The following ANTXR1 variants were observed in gnomAD, a reference collection of about 807,000 sequenced individuals.
ANTXR1 encodes the protein anthrax toxin receptor 1.
In ANTXR1, 19 loss-of-function variants were observed where a neutral mutation model predicts 78.1. The observed-to-expected ratio is 0.24, with a 90% confidence interval of 0.17 to 0.36. ANTXR1 has a LOEUF of 0.36. ANTXR1 is among the 10% of genes least tolerant of loss of function. The pLI is 1.00. For missense variants in ANTXR1, 518 were observed against 718.6 expected, an observed-to-expected ratio of 0.72 and a Z score of 3.19; for synonymous variants, 273 against 260.5, an observed-to-expected ratio of 1.05 and a Z score of -0.46.
At chr2:69,054,051 T>C (rs1242964267) in intron 3 of ANTXR1, among the ~76,000 whole-genome samples, 1 of 152,206 alleles carries the variant, frequency 6.6e-6, no homozygotes, top group Non-Finnish European at 1.5e-5. Context: ...TATAATCTTT[T>C]ATTAAGGGCT....
At chr2:69,125,428 G>A (rs1672501573) in intron 12 of ANTXR1, among the ~76,000 whole-genome samples, 3 of 152,222 alleles carry the variant, frequency 2.0e-5, no homozygotes. Context: ...TCCCCAGGAG[G>A]TTGTCATGTG....
At chr2:69,151,388 G>A (rs1673391584) in intron 12 of ANTXR1, among the ~76,000 whole-genome samples, 1 of 151,974 alleles carries the variant, frequency 6.6e-6, no homozygotes, top group South Asian at 2.1e-4. Context: ...GAGGCAGGGT[G>A]GAGGGGACTT....
chr2:69,142,569 A>G (rs1673098758), intron 12 of ANTXR1, among the ~76,000 whole-genome samples: 1 of 152,212 alleles, frequency 6.6e-6, no homozygotes, highest in Admixed American at 6.5e-5. Context: ...AAGGGCCATG[A>G]TTGGCAAAAC....
chr2:69,082,997 T>C (rs1394804156), intron 8 of ANTXR1, among the ~76,000 whole-genome samples: 1 of 152,204 alleles, frequency 6.6e-6, no homozygotes, highest in East Asian at 1.9e-4. Flanking sequence ...AACTGTGAGA[T>C]CAACGGAACC....
At chr2:69,048,535 G>T (rs1669842531) in intron 3 of ANTXR1, among the ~76,000 whole-genome samples, 1 of 151,988 alleles carries the variant, frequency 6.6e-6, no homozygotes, top group Non-Finnish European at 1.5e-5. Context: ...AATTTATTAT[G>T]ATATAAGGTA....
At chr2:69,238,960 C>T (rs1675836543) in intron 17 of ANTXR1, among the ~76,000 whole-genome samples, 1 of 152,154 alleles carries the variant, frequency 6.6e-6, no homozygotes, top group Admixed American at 6.5e-5. Context: ...ACACAGCACA[C>T]ATGAGCTCAC....
intron 16 of ANTXR1, among the ~76,000 whole-genome samples, chr2:69,188,178 T>C (rs1328590044): frequency 6.6e-6 from 1 of 152,044 alleles, no homozygotes; most frequent in East Asian, 1.9e-4. Context: ...TGCGATCATA[T>C]AGCTCACTGT....
At chr2:69,140,093 T>C (rs570784552) in intron 12 of ANTXR1, among the ~76,000 whole-genome samples, 11 of 152,336 alleles carry the variant, frequency 7.2e-5, no homozygotes, top group African/African-American at 2.4e-4. Flanking sequence ...AAATTTACTT[T>C]AATCACCTTC....
chr2:69,068,331 A>C (rs975181567), intron 3 of ANTXR1, among the ~76,000 whole-genome samples: 6 of 152,382 alleles, frequency 3.9e-5, no homozygotes, highest in Admixed American at 2.0e-4. Context: ...CTTAAGTGCT[A>C]TAAAGCAAAA....
intron 17 of ANTXR1, among the ~76,000 whole-genome samples, chr2:69,244,709 C>A (rs1574001594): frequency 6.6e-6 from 1 of 152,258 alleles, no homozygotes; most frequent in East Asian, 1.9e-4. Context: ...CTGAACTAAT[C>A]AAAATAAATT....
chr2:69,057,341 A>G (rs923325473), intron 3 of ANTXR1, among the ~76,000 whole-genome samples: 9 of 152,222 alleles, frequency 5.9e-5, no homozygotes, highest in African/African-American at 2.2e-4. Context: ...TTGAAGGTTC[A>G]TGGCAACCAT....
At chr2:69,166,507 T>G (rs923771301) in intron 13 of ANTXR1, among the ~76,000 whole-genome samples, 7 of 152,216 alleles carry the variant, frequency 4.6e-5, no homozygotes, top group African/African-American at 1.7e-4. Context: ...AATGGTCACT[T>G]TCTGCTTCTC....
rs542459792 is a variant in ANTXR1 at position 69,133,142 on chromosome 2, G to A, written c.951+8499G>A. 1.2e-4 allele frequency among the ~76,000 whole-genome samples: 19 copies of A among 152,248 alleles called. 1 individual carries two copies. The highest frequency in any genetic ancestry group is 2.6e-4 in the Admixed American group (4 of 15,304). ...AAGCGAAGCTGGACAGATTATTCCAGAAATTCAGGTATAACAAGTAGGCAG... is the reference window on the plus strand; with the variant it reads ...AAGCGAAGCTGGACAGATTATTCCAAAAATTCAGGTATAACAAGTAGGCAG... On this transcript the variant is annotated intron_variant, in intron 12 of 17. Transcript: ENST00000303714.
At chr2:69,090,541 T>C in intron 8 of ANTXR1, 1 of 408,776 alleles carries the variant, frequency 2.4e-6, no homozygotes, top group Non-Finnish European at 4.6e-6. Flanking sequence ...CAGAGTTAAG[T>C]CCCATTTCCG....
At chr2:69,218,123 G>T (rs756544433) in intron 17 of ANTXR1, among the ~76,000 whole-genome samples, 4 of 152,162 alleles carry the variant, frequency 2.6e-5, no homozygotes, top group Non-Finnish European at 4.4e-5. Context: ...AAATGAACAA[G>T]GTCAACCAAG....
At chr2:69,177,184 A>G (rs1462856592) in intron 14 of ANTXR1, among the ~76,000 whole-genome samples, 1 of 150,060 alleles carries the variant, frequency 6.7e-6, no homozygotes, top group East Asian at 2.0e-4. Context: ...TCTCTGGGGA[A>G]CCCGGGAGTT....
chr2:69,213,605 G>A (rs374840806), intron 17 of ANTXR1, among the ~76,000 whole-genome samples: 50 of 152,304 alleles, frequency 3.3e-4, no homozygotes, highest in African/African-American at 1.1e-3. Context: ...GTTACCTTCC[G>A]CAAAGACCAG....
At chr2:69,126,742 T>C (rs1189494109) in intron 12 of ANTXR1, among the ~76,000 whole-genome samples, 1 of 152,140 alleles carries the variant, frequency 6.6e-6, no homozygotes, top group Non-Finnish European at 1.5e-5. Context: ...AGAAAAGGTG[T>C]CCTTGCCAAT....
At chr2:69,145,209 T>C (rs1673188888) in intron 12 of ANTXR1, 4 of 1,012,654 alleles carry the variant, frequency 4.0e-6, no homozygotes, top group Non-Finnish European at 6.0e-6. Context: ...TACGGGGGGC[T>C]GATTCGCTTA....
Sources: gnomAD v4.1 joint callset for allele counts (sites outside exome capture counted in the v4.1 genomes callset) on GRCh38, gnomAD v4.1.1 for gene constraint, MANE v1.5 for transcripts, NCBI Gene and HGNC (gene_info 2026-07-23, HGNC 2026-07-21) for gene names.